Variants in ESR2 observed in about 807,000 individuals in gnomAD.
ESR2 encodes the protein estrogen receptor beta.
In ESR2, 36 loss-of-function variants were observed where a neutral mutation model predicts 49.6. The observed-to-expected ratio is 0.73, with a 90% CI of 0.56 to 0.96. The LOEUF (loss-of-function observed/expected upper bound fraction) is 0.96. Ranked by LOEUF, ESR2 falls within the 40% of genes least tolerant of loss-of-function variation. ESR2 has a pLI of 0.00. For synonymous variants in ESR2, 320 were observed against 266.1 expected (o/e 1.20, Z -1.97); for missense variants, 714 against 693.0 (o/e 1.03, Z -0.34).
chr14:64,233,478 C>T (rs1440374874), intron 8 of ESR2, 155 bp from the exon 9 acceptor site: 1 of 668,656 alleles, frequency 1.5e-6, no homozygotes, highest in East Asian at 2.7e-5. Context: ...CATCCAGCTC[C>T]CCCTGATAAT....
intron 6 of ESR2, among the ~76,000 whole-genome samples, chr14:64,255,895 T>C (rs2140706338): frequency 6.6e-6 from 1 of 152,346 alleles, no homozygotes; most frequent in South Asian, 2.1e-4. Context: ...AGAGGATCTG[T>C]TCTCTATCAA....
At chr14:64,249,404 T>A (rs2075940179) in intron 7 of ESR2, 142 bp downstream of exon 7, 1 of 937,110 alleles carries the variant, frequency 1.1e-6, no homozygotes, top group East Asian at 2.8e-5. Context: ...TAAATCGCTA[T>A]CAAAATAAAA....
chr14:64,287,994 C>T (rs1214965518), intron 1 of ESR2, among the ~76,000 whole-genome samples: 1 of 152,198 alleles, frequency 6.6e-6, no homozygotes, highest in African/African-American at 2.4e-5. Context: ...CATCCTGATT[C>T]TAAGAATTAT....
intron 3 of ESR2, among the ~76,000 whole-genome samples, chr14:64,271,110 C>T (rs981609239): frequency 6.8e-6 from 1 of 147,304 alleles, no homozygotes; most frequent in Non-Finnish European, 1.5e-5. Context: ...GATTTATCAT[C>T]TTTTTTTTTT....
At chr14:64,331,337 AG>A (rs1302244600) in intron 1 of ESR2, among the ~76,000 whole-genome samples, 1 of 152,266 alleles carries the variant, frequency 6.6e-6, no homozygotes, top group African/African-American at 2.4e-5. Context: ...GTATGCAAAT[AG>A]CTTCAAAGTT....
chr14:64,314,207 C>A (rs1312913960), intron 1 of ESR2, among the ~76,000 whole-genome samples: 1 of 150,668 alleles, frequency 6.6e-6, no homozygotes, highest in Admixed American at 6.6e-5. Flanking sequence ...AACTAGAAAC[C>A]AATAACAGAT....
chr14:64,320,095 C>T (rs181702482), intron 1 of ESR2, among the ~76,000 whole-genome samples: 1 of 144,538 alleles, frequency 6.9e-6, no homozygotes, highest in Non-Finnish European at 1.5e-5. Flanking sequence ...ATATTATTTG[C>T]AAAAAAAAAA....
At chr14:64,284,130 C>T (rs973139368) in intron 1 of ESR2, among the ~76,000 whole-genome samples, 6 of 151,904 alleles carry the variant, frequency 3.9e-5, no homozygotes, top group African/African-American at 9.7e-5. Flanking sequence ...GGTTTCACCA[C>T]GTTGGCCAGG....
intron 7 of ESR2, among the ~76,000 whole-genome samples, chr14:64,246,020 T>C (rs971704258): frequency 6.6e-6 from 1 of 152,230 alleles, no homozygotes; most frequent in Admixed American, 6.5e-5. Flanking sequence ...CAGAAAGGGT[T>C]GATCTTATTC....
intron 1 of ESR2, among the ~76,000 whole-genome samples, chr14:64,312,075 G>A (rs537161353): frequency 2.6e-4 from 40 of 151,956 alleles, no homozygotes; most frequent in Admixed American, 2.3e-3. Context: ...ATATAAACAG[G>A]GAAAAGTAGA....
At chr14:64,315,855 A>G (rs2077248688) in intron 1 of ESR2, among the ~76,000 whole-genome samples, 1 of 151,780 alleles carries the variant, frequency 6.6e-6, no homozygotes, top group East Asian at 1.9e-4. Flanking sequence ...GTGTTTCACC[A>G]TGTTGGCCAG....
At chr14:64,270,291 G>A (rs1596428231) in intron 3 of ESR2, among the ~76,000 whole-genome samples, 1 of 152,114 alleles carries the variant, frequency 6.6e-6, no homozygotes, top group Non-Finnish European at 1.5e-5. Flanking sequence ...ACGTGTAGGT[G>A]GTAAAACCAT....
chr14:64,244,411 AAAAG>A (rs1416374815), intron 7 of ESR2, among the ~76,000 whole-genome samples: 11 of 152,222 alleles, frequency 7.2e-5, no homozygotes, highest in African/African-American at 1.2e-4. Flanking sequence ...AAAAAAAAAA[AAAAG>A]AAAGAACAGT....
intron 1 of ESR2, chr14:64,329,793 T>G (rs1041025562): frequency 1.3e-5 from 2 of 152,204 alleles, no homozygotes; most frequent in African/African-American, 4.8e-5. Context: ...TTATGTCCTT[T>G]TCTATCGTAG....
At chr14:64,303,214 G>A (rs1222829876) in intron 1 of ESR2, among the ~76,000 whole-genome samples, 1 of 152,186 alleles carries the variant, frequency 6.6e-6, no homozygotes, top group African/African-American at 2.4e-5. Flanking sequence ...TCGCCAGAAG[G>A]GAGCTCACAG....
intron 1 of ESR2, among the ~76,000 whole-genome samples, chr14:64,313,855 G>A (rs1225912931): frequency 2.2e-5 from 3 of 136,020 alleles, no homozygotes; most frequent in Admixed American, 1.5e-4. Context: ...CTCCAGCCAG[G>A]GCAACACAGG....
chr14:64,239,807 T>C (rs2075682449), intron 7 of ESR2, among the ~76,000 whole-genome samples: 1 of 152,234 alleles, frequency 6.6e-6, no homozygotes, highest in Admixed American at 6.5e-5. Flanking sequence ...ACACAACCTA[T>C]ATATGCATAG....
chr14:64,272,460 G>T (rs2076469563), intron 3 of ESR2, among the ~76,000 whole-genome samples: 1 of 152,154 alleles, frequency 6.6e-6, no homozygotes, highest in Non-Finnish European at 1.5e-5. Context: ...TATTACTCAA[G>T]AAATATTTGC....
chr14:64,227,900 T>G (rs2098723208), downstream of ESR2: 3 of 1,597,626 alleles, frequency 1.9e-6, no homozygotes, highest in Non-Finnish European at 2.5e-6. Context: ...CTAAGATAAC[T>G]TCAAATGAAT....
Sources: gnomAD v4.1 joint callset for allele counts (sites outside exome capture counted in the v4.1 genomes callset) on GRCh38, gnomAD v4.1.1 for gene constraint, MANE v1.5 for transcripts, NCBI Gene and HGNC (gene_info 2026-07-23, HGNC 2026-07-21) for gene names.